BANP: variants seen among roughly 807,000 people sequenced by gnomAD.
BANP encodes the protein BTG3 associated nuclear protein, also known as protein BANP.
Under a neutral mutation model 68.1 loss-of-function variants are expected in BANP, and 11 were observed. The ratio of observed to expected loss-of-function variants is 0.16; its 90% CI spans 0.10 to 0.27. The LOEUF is 0.27. BANP is among the 10% of genes least tolerant of loss of function. The probability of loss-of-function intolerance (pLI) is 1.00; values close to 1 mark genes in which losing one functional copy is unlikely to be tolerated. For missense variants in BANP, 504 were observed against 722.7 expected, an observed-to-expected ratio of 0.70 and a Z score of 3.47; for synonymous variants, 329 against 303.2, an observed-to-expected ratio of 1.09 and a Z score of -0.88.
intron 1 of BANP, among the ~76,000 whole-genome samples, chr16:87,971,423 A>G (rs1269444218): frequency 6.6e-6 from 1 of 152,056 alleles, no homozygotes; most frequent in Non-Finnish European, 1.5e-5. Context: ...CTGCCTTTAT[A>G]CTTGAAAGTA....
At chr16:88,053,429 C>G (rs1298012875) in intron 11 of BANP, among the ~76,000 whole-genome samples, 1 of 150,812 alleles carries the variant, frequency 6.6e-6, no homozygotes, top group Non-Finnish European at 1.5e-5. Flanking sequence ...ACCACCACCA[C>G]CACCTCTACC....
At chr16:87,992,337 T>C (rs1412300004) in intron 4 of BANP, among the ~76,000 whole-genome samples, 2 of 152,234 alleles carry the variant, frequency 1.3e-5, no homozygotes, top group African/African-American at 4.8e-5. Flanking sequence ...CATGTCTTTT[T>C]GTTATCAGGA....
intron 1 of BANP, among the ~76,000 whole-genome samples, chr16:87,960,208 A>C (rs1201298188): frequency 6.6e-6 from 1 of 152,220 alleles, no homozygotes; most frequent in Admixed American, 6.5e-5. Context: ...GAGATGCGAA[A>C]CACTGGCCGT....
chr16:87,993,378 T>C (rs1324151142), intron 4 of BANP, among the ~76,000 whole-genome samples: 2 of 151,832 alleles, frequency 1.3e-5, no homozygotes, highest in African/African-American at 2.4e-5. Flanking sequence ...GAGCCTTGTC[T>C]CTTCTTTCCC....
rs1256696383 is a variant in BANP, at chr16:87,966,362, T to C, written c.-68-8686T>C. Among the ~76,000 whole-genome samples the C allele has an allele frequency of 9.2e-5, 14 of 152,334 alleles. No individual in the cohort carries two copies. In the East Asian group the frequency reaches 2.7e-3, roughly 29 times the overall value. On this transcript the variant is annotated intron_variant, in intron 1 of 13. Transcript: ENST00000682872. ...AGGCTTGCTTGAGCATTAGTCTCAG[T>C]CCAGCTGTTTTATTGTATTAAGACT...
intron 6 of BANP, among the ~76,000 whole-genome samples, chr16:88,008,301 G>T (rs1471953200): frequency 6.6e-6 from 1 of 152,206 alleles, no homozygotes; most frequent in Non-Finnish European, 1.5e-5. Flanking sequence ...GCAGGTTTTT[G>T]TGTATGTATT....
At chr16:87,981,546 C>G (rs1285129397) in intron 3 of BANP, among the ~76,000 whole-genome samples, 1 of 152,208 alleles carries the variant, frequency 6.6e-6, no homozygotes, top group Non-Finnish European at 1.5e-5. Context: ...GCACAGTTTC[C>G]AAAGAGACCA....
At position 87,957,859 on chromosome 16, in the gene BANP, G is replaced by C. The variant is rs8048346; in HGVS notation, c.-69+6344G>C. ...CATGCTGCAAGCTCTGTGGGCGCTG[G>C]TGGCCAGGATGCGGACAACCCCTGC... On this transcript the variant is annotated intron_variant, in intron 1 of 13. Coordinates refer to ENST00000682872, the MANE Select transcript of BANP (RefSeq NM_001386991.1). This position sits in a 1 kb window ranked among gnomAD's most constrained non-coding sequence, Gnocchi z 4.3. Among the ~76,000 whole-genome samples the C allele has an allele frequency of 6.8e-3, 1,037 of 152,188 alleles. 18 individuals carry two copies. The highest frequency in any genetic ancestry group is 0.024 in the African/African-American group (995 of 41,506).
At chr16:87,981,000 A>G (rs750562689) in intron 2 of BANP, 36 bp from the exon 3 acceptor site, 2 of 1,447,626 alleles carry the variant, frequency 1.4e-6, no homozygotes, top group East Asian at 2.3e-5. Flanking sequence ...AAAACTTTTC[A>G]TGTTAAACAT....
intron 8 of BANP, among the ~76,000 whole-genome samples, chr16:88,028,705 T>C (rs753914131): frequency 3.3e-5 from 5 of 152,230 alleles, no homozygotes; most frequent in Non-Finnish European, 7.3e-5. Flanking sequence ...AAATACCATG[T>C]AGCAGCGTAA....
chr16:88,033,046 G>A, intron 8 of BANP, 63 bp from the exon 9 acceptor site: 2 of 1,495,744 alleles, frequency 1.3e-6, no homozygotes, highest in Non-Finnish European at 1.8e-6. Flanking sequence ...GTGCACACAT[G>A]CCACACCAGG....
intron 12 of BANP, among the ~76,000 whole-genome samples, chr16:88,069,158 C>G (rs998109551): frequency 6.6e-6 from 1 of 152,220 alleles, no homozygotes; most frequent in African/African-American, 2.4e-5. Context: ...GCTGCGGGAC[C>G]TCGGGGCCTG....
Position 87,984,397 on chromosome 16 carries a change from A to G in BANP, c.362+138A>G, listed in dbSNP as rs867711835. On this transcript the variant is annotated intron_variant, in intron 4 of 13. Transcript: ENST00000682872. ...GCCTCAGCAGTCTCAGCAGTTTCTA[A>G]CTAAAGCTGACTTTTAGTTAGACCG... The G allele has an allele frequency of 1.7e-5, 18 of 1,029,808 alleles. No homozygotes were observed. In the African/African-American group the frequency reaches 2.6e-4, roughly 15 times the overall value. 63.8% of individuals were successfully genotyped at this position (1,029,808 alleles called of 1,614,324 possible). A position where few individuals can be genotyped will look rare whatever the true frequency, so the allele number is the denominator to read the frequency against.
At chr16:88,044,214 G>T (rs1042347834) in intron 11 of BANP, among the ~76,000 whole-genome samples, 4 of 152,236 alleles carry the variant, frequency 2.6e-5, no homozygotes, top group Non-Finnish European at 5.9e-5. Context: ...CTGCATGGCT[G>T]GACTCTACCA....
Position 88,004,707 on chromosome 16 carries a change from G to A in BANP, c.479+296G>A, listed in dbSNP as rs547541497. On this transcript the variant is annotated intron_variant, in intron 5 of 13. Transcript: ENST00000682872. This position sits in a 1 kb window ranked among gnomAD's most constrained non-coding sequence, Gnocchi z 7.0. Reference sequence around the variant, plus strand: ...TCTCCTCACAGCAGTCTGTGAAAGCGTTCATCCTCCCACCTAGCTCAGTGG... The same window carrying A: ...TCTCCTCACAGCAGTCTGTGAAAGCATTCATCCTCCCACCTAGCTCAGTGG... Among the ~76,000 whole-genome samples, 2 of 152,338 alleles carry A rather than the reference G, an allele frequency of 1.3e-5. No homozygotes were observed. Among genetic ancestry groups the A allele is most frequent in the East Asian group, 1.9e-4 (1 of 5,182 alleles).
At chr16:88,008,491 C>T (rs1055174961) in intron 6 of BANP, among the ~76,000 whole-genome samples, 2 of 152,196 alleles carry the variant, frequency 1.3e-5, no homozygotes, top group Non-Finnish European at 2.9e-5. Flanking sequence ...CCACCCCCTT[C>T]AGGCCTGATG....
chr16:87,999,221 C>CCCA, intron 4 of BANP, among the ~76,000 whole-genome samples: 1 of 102,586 alleles, frequency 9.7e-6, no homozygotes, highest in East Asian at 3.1e-4. Flanking sequence ...CTTCCAGACA[C>CCCA]GTCTCCATGC....
intron 9 of BANP, among the ~76,000 whole-genome samples, chr16:88,034,701 C>A (rs2078933877): frequency 6.6e-6 from 1 of 152,168 alleles, no homozygotes; most frequent in Non-Finnish European, 1.5e-5. Context: ...TTCTGTGTGT[C>A]ATGCACATTT....
chr16:87,961,521 G>T (rs546669794), intron 1 of BANP, among the ~76,000 whole-genome samples: 3 of 151,938 alleles, frequency 2.0e-5, no homozygotes, highest in Non-Finnish European at 2.9e-5. Context: ...GCAGACCACC[G>T]GTGGAAGCAG....
Sources: gnomAD v4.1 joint callset for allele counts (sites outside exome capture counted in the v4.1 genomes callset) on GRCh38, gnomAD v4.1.1 for gene constraint, Gnocchi (gnomAD v3.1) non-coding constraint, MANE v1.5 for transcripts, NCBI Gene and HGNC (gene_info 2026-07-23, HGNC 2026-07-21) for gene names.